Variants in CUL5 observed in about 807,000 individuals in gnomAD.
CUL5 encodes the protein cullin 5.
In CUL5, 26 loss-of-function variants were observed where a neutral mutation model predicts 108.8. That is an observed-to-expected ratio of 0.24 (90% CI 0.18 to 0.33). CUL5 has a LOEUF of 0.33. Among genes scored for constraint, CUL5 ranks in the 10% least tolerant of loss-of-function variants. CUL5 has a pLI of 1.00. For missense variants in CUL5, 524 were observed against 909.2 expected, an observed-to-expected ratio of 0.58 and a Z score of 5.45; for synonymous variants, 334 against 298.0, an observed-to-expected ratio of 1.12 and a Z score of -1.25.
At chr11:108,088,695 A>G in intron 12 of CUL5, 36 bp downstream of exon 12, 1 of 1,516,692 alleles carries the variant, frequency 6.6e-7, no homozygotes, top group Non-Finnish European at 8.9e-7. Flanking sequence ...TTTTAAAATT[A>G]CCTTACTTTG....
chr11:108,053,670 A>G (rs1863296796), intron 5 of CUL5, among the ~76,000 whole-genome samples: 1 of 147,534 alleles, frequency 6.8e-6, no homozygotes, highest in Non-Finnish European at 1.5e-5. Context: ...CTTAAGTGGT[A>G]TACCATGCTT....
intron 1 of CUL5, among the ~76,000 whole-genome samples, 176 bp downstream of exon 1, chr11:108,009,548 C>T (rs1226612282): frequency 6.6e-6 from 1 of 151,854 alleles, no homozygotes; most frequent in Non-Finnish European, 1.5e-5. Context: ...GCCTTGGGGT[C>T]GACAGGCTCT....
chr11:108,094,268 C>A (rs1320834328), intron 13 of CUL5, 123 bp from the exon 14 acceptor site: 3 of 721,180 alleles, frequency 4.2e-6, no homozygotes, highest in Admixed American at 3.4e-5. Context: ...CAATAAAATT[C>A]TAATAAATGA....
chr11:108,054,372 C>T (rs1863320059), intron 5 of CUL5, among the ~76,000 whole-genome samples: 1 of 152,176 alleles, frequency 6.6e-6, no homozygotes, highest in Non-Finnish European at 1.5e-5. Context: ...CCCATTGCTT[C>T]TGTGAATGTT....
chr11:108,078,898 T>C (rs1864002149), intron 11 of CUL5, among the ~76,000 whole-genome samples: 1 of 152,080 alleles, frequency 6.6e-6, no homozygotes, highest in Non-Finnish European at 1.5e-5. Flanking sequence ...TTCTGAGCAG[T>C]GTATGTTGCT....
At chr11:108,082,739 G>A (rs563649958) in intron 11 of CUL5, among the ~76,000 whole-genome samples, 2 of 152,092 alleles carry the variant, frequency 1.3e-5, no homozygotes, top group Admixed American at 6.5e-5. Flanking sequence ...TCGCCTCCTG[G>A]GCTCAAGCCT....
At chr11:108,104,157 T>G (rs771685531) in intron 18 of CUL5, 33 bp from the exon 19 acceptor site, 95 of 1,398,352 alleles carry the variant, frequency 6.8e-5, no homozygotes, top group Non-Finnish European at 9.0e-5. Flanking sequence ...ATTTCGTATA[T>G]TAATGCGCTT....
chr11:108,074,302 C>T, intron 10 of CUL5, among the ~76,000 whole-genome samples: 1 of 147,800 alleles, frequency 6.8e-6, no homozygotes, highest in Non-Finnish European at 1.5e-5. Context: ...TCAAGCGATT[C>T]TCCTGCCTCA....
At chr11:108,011,264 ATTAG>A (rs1274033007) in intron 1 of CUL5, among the ~76,000 whole-genome samples, 1 of 152,176 alleles carries the variant, frequency 6.6e-6, no homozygotes, top group African/African-American at 2.4e-5. Flanking sequence ...TTTGGTCTAT[ATTAG>A]TTAAGTACTT....
chr11:108,055,658 GCT>G (rs942066017), intron 7 of CUL5, among the ~76,000 whole-genome samples: 6 of 149,398 alleles, frequency 4.0e-5, no homozygotes, highest in African/African-American at 1.2e-4. Context: ...TGAGACAAGG[GCT>G]CTCTCTGTTG....
intron 7 of CUL5, among the ~76,000 whole-genome samples, chr11:108,063,653 A>AT (rs68126927): frequency 7.1e-4 from 29 of 40,622 alleles, no homozygotes; most frequent in South Asian, 3.9e-3. Context: ...AATTAATAAA[A>AT]TTTAAAAAAA....
intron 1 of CUL5, among the ~76,000 whole-genome samples, chr11:108,019,269 G>C (rs1314234590): frequency 6.6e-6 from 1 of 152,134 alleles, no homozygotes; most frequent in African/African-American, 2.4e-5. Context: ...CTGTACAGTA[G>C]TTTGATTCTT....
chr11:108,017,938 A>AT (rs1862243754), intron 1 of CUL5, among the ~76,000 whole-genome samples: 1 of 152,152 alleles, frequency 6.6e-6, no homozygotes, highest in Middle Eastern at 3.4e-3. Context: ...GCTTTTGACT[A>AT]TTTTTTGTTG....
chr11:108,022,702 T>TG (rs1862355903), intron 1 of CUL5, among the ~76,000 whole-genome samples: 1 of 152,172 alleles, frequency 6.6e-6, no homozygotes, highest in Non-Finnish European at 1.5e-5. Context: ...TCTGGGCAAA[T>TG]GATGGTACAG....
At chr11:108,057,597 A>G (rs112396795) in intron 7 of CUL5, among the ~76,000 whole-genome samples, 2 of 152,196 alleles carry the variant, frequency 1.3e-5, no homozygotes, top group African/African-American at 4.8e-5. Context: ...TAGCCTACAA[A>G]ATGACTAATA....
chr11:108,071,145 T>G (rs1471818675), intron 8 of CUL5, among the ~76,000 whole-genome samples: 1 of 152,240 alleles, frequency 6.6e-6, no homozygotes, highest in Non-Finnish European at 1.5e-5. Flanking sequence ...CTTTCGTAAT[T>G]ATTACTCATG....
At position 108,107,583 on chromosome 11, in the gene CUL5, G is replaced by A. The variant is rs1317072311; in HGVS notation, c.*3199G>A. On this transcript the variant is annotated 3_prime_UTR_variant, in exon 19 of 19. Coordinates refer to ENST00000393094, the MANE Select transcript of CUL5 (RefSeq NM_003478.6). ...CTAAGTTGTAATCTATCCTCATATGGTCTATACGATTTTGAATGTGTGCCA... is the reference window on the plus strand; with the variant it reads ...CTAAGTTGTAATCTATCCTCATATGATCTATACGATTTTGAATGTGTGCCA... 1 of 152,550 alleles carries A rather than the reference G, an allele frequency of 6.6e-6. No individual in the cohort carries two copies. Among genetic ancestry groups the A allele is most frequent in the African/African-American group, 2.4e-5 (1 of 41,436 alleles). 9.4% of individuals were successfully genotyped at this position (152,550 alleles called of 1,614,324 possible).
chr11:108,096,747 G>C (rs1864511893), intron 16 of CUL5, among the ~76,000 whole-genome samples: 1 of 151,522 alleles, frequency 6.6e-6, no homozygotes, highest in Admixed American at 6.6e-5. Flanking sequence ...TATATTTTTA[G>C]TGGAGACGGG....
intron 1 of CUL5, among the ~76,000 whole-genome samples, chr11:108,014,807 A>G (rs957458679): frequency 2.0e-5 from 3 of 152,360 alleles, no homozygotes; most frequent in African/African-American, 7.2e-5. Context: ...TAAACAGTGA[A>G]ATACATACTG....
Sources: gnomAD v4.1 joint callset for allele counts (sites outside exome capture counted in the v4.1 genomes callset) on GRCh38, gnomAD v4.1.1 for gene constraint, MANE v1.5 for transcripts, NCBI Gene and HGNC (gene_info 2026-07-23, HGNC 2026-07-21) for gene names.